The following PAGE1 variants were observed in gnomAD, a reference collection of about 807,000 sequenced individuals.
PAGE1 encodes the protein PAGE family member 1.
PAGE1 carries 6 observed loss-of-function variants against 11.5 expected under a neutral mutation model. The ratio of observed to expected loss-of-function variants is 0.52; its 90% CI spans 0.29 to 1.03. The LOEUF is 1.03. Among genes scored for constraint, PAGE1 ranks in the 50% least tolerant of loss-of-function variants. PAGE1 has a pLI of 0.09. For synonymous variants in PAGE1, 42 were observed against 40.2 expected (o/e 1.05, Z -0.17); for missense variants, 120 against 110.2 (o/e 1.09, Z -0.40).
intron 3 of PAGE1, among the ~76,000 whole-genome samples, chrX:49,692,818 C>T (rs1373562523): frequency 9.2e-6 from 1 of 108,815 alleles, no homozygotes; most frequent in Non-Finnish European, 1.9e-5. Context: ...GATGAGGTCT[C>T]CCTATGTTTC....
intron 4 of PAGE1, 32 bp from the exon 5 acceptor site, chrX:49,689,575 A>ATATATTT (rs1387760106): frequency 3.7e-5 from 1 of 26,894 alleles, no homozygotes; most frequent in African/African-American, 3.9e-4. Context: ...AAAAAAAAAA[A>ATATATTT]ATATATATAT....
intron 5 of PAGE1, 136 bp from the exon 6 acceptor site, chrX:49,687,699 T>G (rs2066888896): frequency 2.1e-6 from 1 of 482,197 alleles, no homozygotes; most frequent in African/African-American, 2.5e-5. Context: ...CGATCCTGTG[T>G]CTTATAGCCA....
chrX:49,688,311 A>G (rs182841224), intron 5 of PAGE1, among the ~76,000 whole-genome samples: 2 of 111,866 alleles, frequency 1.8e-5, no homozygotes, highest in Non-Finnish European at 3.8e-5. Context: ...CTAAGTTGGG[A>G]GGATCACTTG....
intron 5 of PAGE1, among the ~76,000 whole-genome samples, chrX:49,689,101 T>C (rs60145964): frequency 0.024 from 2,653 of 111,046 alleles, 73 homozygotes; most frequent in African/African-American, 0.082. Context: ...GGCACTTTAG[T>C]AGGCTGAGGT....
chrX:49,689,684 G>GTATATA (rs1286749859), intron 4 of PAGE1, 141 bp from the exon 5 acceptor site: 2 of 70,498 alleles, frequency 2.8e-5, no homozygotes, highest in African/African-American at 1.4e-4. Context: ...ATATATGTGT[G>GTATATA]TATATATATA....
intron 3 of PAGE1, 53 bp from the exon 4 acceptor site, chrX:49,691,427 T>G: frequency 1.0e-6 from 1 of 1,003,293 alleles, no homozygotes; most frequent in Non-Finnish European, 1.4e-6. Context: ...GAAATATGAA[T>G]AAGAAAATAA....
Position 49,689,143 on chromosome X carries a change from C to T in PAGE1, c.418+275G>A, listed in dbSNP as rs1348449750. Among the ~76,000 whole-genome samples, 3 of 110,100 alleles carry T rather than the reference C, an allele frequency of 2.7e-5. 1 individual carries two copies. Among genetic ancestry groups the T allele is most frequent in the Admixed American group, 2.0e-4 (2 of 10,177 alleles). On this transcript the variant is annotated intron_variant, in intron 5 of 5. Coordinates refer to ENST00000376150, the MANE Select transcript of PAGE1 (RefSeq NM_003785.4). Reference sequence around the variant, plus strand: ...ATCACCTGAGATCAGGAGTTTGAGACCAGCTTATGCAAAATGGCAAAACCT... The same window carrying T: ...ATCACCTGAGATCAGGAGTTTGAGATCAGCTTATGCAAAATGGCAAAACCT...
chrX:49,694,022 A>ACACT, intron 3 of PAGE1, 77 bp downstream of exon 3: 2 of 79,545 alleles, frequency 2.5e-5, no homozygotes, highest in Admixed American at 1.7e-4. Flanking sequence ...AATGCATGAG[A>ACACT]CACACACACA....
chrX:49,694,071 C>T (rs782735278), intron 3 of PAGE1, 28 bp downstream of exon 3: 7 of 900,812 alleles, frequency 7.8e-6, no homozygotes, highest in Admixed American at 2.3e-5. Context: ...CACACCCCAA[C>T]AGGCATTCTT....
At chrX:49,691,963 C>A (rs1358538199) in intron 3 of PAGE1, among the ~76,000 whole-genome samples, 1 of 110,674 alleles carries the variant, frequency 9.0e-6, no homozygotes, top group East Asian at 2.8e-4. Context: ...ATGGTGAAAC[C>A]CAGGCTCTGC....
Position 49,691,279 on chromosome X carries a change from T to G in PAGE1, c.262A>C (p.Asn88His). 1 of 1,210,787 alleles carries G rather than the reference T, an allele frequency of 8.3e-7. No homozygotes were observed. The highest frequency in any genetic ancestry group is 1.1e-6 in the Non-Finnish European group (1 of 894,784). Residue 88 changes from asparagine to histidine, a missense_variant, in exon 4 of 6, where the codon AAT (asparagine) becomes CAT (histidine). Coordinates refer to ENST00000376150, the MANE Select transcript of PAGE1 (RefSeq NM_003785.4). ...GPDTKRVCLR[N>H]EEQMKLPAEG... The stretch of plus-strand genomic sequence containing the variant: ...GCGGGCAGTTTCATCTGCTCTTCAT[T>G]TCGCAGGCACACCCTCTTGGTATCA...
At chrX:49,692,278 C>A (rs1557142296) in intron 3 of PAGE1, among the ~76,000 whole-genome samples, 1 of 112,227 alleles carries the variant, frequency 8.9e-6, no homozygotes, top group African/African-American at 3.2e-5. Context: ...CAGTGATTAT[C>A]CAAGGAATGA....
chrX:49,690,063 A>G (rs1250495119), intron 4 of PAGE1, among the ~76,000 whole-genome samples: 4 of 71,206 alleles, frequency 5.6e-5, no homozygotes, highest in Non-Finnish European at 1.0e-4. Context: ...ATATGTGTAT[A>G]TACACACATA....
rs781968918 is a variant in PAGE1 at position 49,693,473 on chromosome X, C to T, written c.166+626G>A. The stretch of plus-strand genomic sequence containing the variant: ...ATCTCATGTTAATCTCAGGATAATT[C>T]CTTTTTTTTGGTTTTTCTAACCATA... On this transcript the variant is annotated intron_variant, in intron 3 of 5. Coordinates refer to ENST00000376150, the MANE Select transcript of PAGE1 (RefSeq NM_003785.4). Among the ~76,000 whole-genome samples, 6 of 111,582 alleles carry T rather than the reference C, an allele frequency of 5.4e-5. No individual in the cohort carries two copies. The South Asian group carries it at 2.3e-3, about 42-fold the overall frequency.
intron 1 of PAGE1, among the ~76,000 whole-genome samples, chrX:49,695,357 A>G (rs1388536743): frequency 1.8e-5 from 2 of 111,501 alleles, no homozygotes; most frequent in African/African-American, 6.5e-5. Flanking sequence ...CGGACCTTCT[A>G]TGGCAGAGGT....
At chrX:49,688,511 TG>T (rs1210389762) in intron 5 of PAGE1, among the ~76,000 whole-genome samples, 1 of 111,614 alleles carries the variant, frequency 9.0e-6, no homozygotes, top group Non-Finnish European at 1.9e-5. Context: ...TTAGTAGCAA[TG>T]AAATCTCAAT....
In PAGE1 at chrX:49,693,200, AG is replaced by A. The variant is rs782283471; in HGVS notation, c.166+898del. On this transcript the variant is annotated intron_variant, in intron 3 of 5. Transcript: ENST00000376150. The stretch of plus-strand genomic sequence containing the variant: ...CAAATAAAGTTATATTTAGGTCCAA[AG>A]GTCCTAAATGTAATATTCCATAAAT... Among the ~76,000 whole-genome samples the A allele has an allele frequency of 1.2e-3, 136 of 111,916 alleles. 1 individual carries two copies. Among genetic ancestry groups the A allele is most frequent in the African/African-American group, 4.1e-3 (127 of 30,849 alleles).
intron 4 of PAGE1, among the ~76,000 whole-genome samples, 160 bp from the exon 5 acceptor site, chrX:49,689,703 T>C (rs868941588): frequency 1.7e-5 from 1 of 58,870 alleles, no homozygotes; most frequent in East Asian, 5.9e-4. Context: ...TACACATATA[T>C]ATGTGTATAT....
At chrX:49,690,639 T>G (rs2066916725) in intron 4 of PAGE1, among the ~76,000 whole-genome samples, 1 of 111,652 alleles carries the variant, frequency 9.0e-6, no homozygotes, top group African/African-American at 3.3e-5. Flanking sequence ...TAAGGAAACA[T>G]TCCAGATTAA....
Sources: allele counts gnomAD v4.1 joint callset (sites outside exome capture counted in the v4.1 genomes callset), GRCh38; gene constraint gnomAD v4.1.1; transcripts MANE v1.5; gene names NCBI Gene and HGNC (gene_info 2026-07-23, HGNC 2026-07-21).